The following VTI1A variants were observed in gnomAD, a reference collection of about 807,000 sequenced individuals.
VTI1A encodes vesicle transport through interaction with t-SNAREs homolog 1A.
A neutral mutation model predicts 34.9 loss-of-function variants in VTI1A; 22 were observed. The ratio of observed to expected loss-of-function variants is 0.63; its 90% CI spans 0.45 to 0.90. The LOEUF (loss-of-function observed/expected upper bound fraction) is 0.90, where lower values mean the gene tolerates loss of function less well. Ranked by LOEUF, VTI1A falls within the 40% of genes least tolerant of loss-of-function variation. VTI1A has a pLI of 0.00. For missense variants in VTI1A, 268 were observed against 275.6 expected (o/e 0.97, Z 0.20); for synonymous variants, 87 against 97.3 (o/e 0.89, Z 0.62).
At chr10:112,612,486 A>G (rs1845356815) in intron 5 of VTI1A, among the ~76,000 whole-genome samples, 1 of 152,228 alleles carries the variant, frequency 6.6e-6, no homozygotes, top group African/African-American at 2.4e-5. Flanking sequence ...TAGCACGATC[A>G]TAACTCACTG....
intron 7 of VTI1A, among the ~76,000 whole-genome samples, chr10:112,683,410 C>T (rs142160522): frequency 7.9e-5 from 12 of 152,274 alleles, no homozygotes; most frequent in Middle Eastern, 3.4e-3. Context: ...TTGCTGACCT[C>T]AGAAAGATTT....
chr10:112,751,475 T>TAAAA (rs11411829), intron 7 of VTI1A, among the ~76,000 whole-genome samples: 24 of 100,960 alleles, frequency 2.4e-4, no homozygotes, highest in African/African-American at 7.6e-4. Context: ...ATTAACTGTT[T>TAAAA]AAAAAAAAAA....
chr10:112,608,842 A>G (rs1845185572), intron 5 of VTI1A, among the ~76,000 whole-genome samples: 2 of 152,128 alleles, frequency 1.3e-5, no homozygotes, highest in Admixed American at 1.3e-4. Flanking sequence ...TACTCTTTCC[A>G]TATTGCTTGA....
rs1850589221 is a variant in VTI1A at position 112,535,582 on chromosome 10, C to G, written c.343-2664C>G. On this transcript the variant is annotated intron_variant, in intron 4 of 7. Transcript: ENST00000393077. ...GGGTTGTAGTGCATAGGGAGCTGAT[C>G]TGGTGTTGGCTCTGCCGAGCTCCGT... is the stretch of plus-strand genomic sequence containing the variant. 2.0e-5 allele frequency among the ~76,000 whole-genome samples: 3 copies of G among 152,150 alleles called. No homozygotes were observed. In the South Asian group the frequency reaches 6.2e-4, roughly 31 times the overall value.
At chr10:112,785,969 AT>A (rs1171368222) in intron 7 of VTI1A, among the ~76,000 whole-genome samples, 1 of 152,154 alleles carries the variant, frequency 6.6e-6, no homozygotes, top group Non-Finnish European at 1.5e-5. Context: ...TTTCATTTAC[AT>A]ATACATTTAA....
At chr10:112,654,698 G>T (rs1398027244) in intron 5 of VTI1A, among the ~76,000 whole-genome samples, 1 of 151,892 alleles carries the variant, frequency 6.6e-6, no homozygotes, top group African/African-American at 2.4e-5. Context: ...TTTCACCGTG[G>T]GCTCGATCTC....
intron 7 of VTI1A, among the ~76,000 whole-genome samples, chr10:112,769,964 T>C (rs750611417): frequency 1.4e-4 from 21 of 152,102 alleles, no homozygotes; most frequent in Non-Finnish European, 2.9e-4. Context: ...CATAGGGGCA[T>C]GTAGGCCCAC....
chr10:112,740,994 A>G (rs955670737), intron 7 of VTI1A, among the ~76,000 whole-genome samples: 3 of 152,250 alleles, frequency 2.0e-5, no homozygotes, highest in African/African-American at 7.2e-5. Context: ...GGAATGAAGT[A>G]CTAATCCAAC....
chr10:112,836,302 G>C, the VTI1A span, among the ~76,000 whole-genome samples: 10 of 152,152 alleles, frequency 6.6e-5, no homozygotes, highest in Non-Finnish European at 1.0e-4. Flanking sequence ...CTAGAATCAT[G>C]AGCTCTTTAG....
intron 5 of VTI1A, among the ~76,000 whole-genome samples, chr10:112,565,882 G>C (rs1408835981): frequency 6.6e-6 from 1 of 151,964 alleles, no homozygotes; most frequent in African/African-American, 2.4e-5. Context: ...ATTTTTAAAA[G>C]TTTTTATTTA....
At chr10:112,722,428 G>A (rs183552591) in intron 7 of VTI1A, among the ~76,000 whole-genome samples, 9 of 152,140 alleles carry the variant, frequency 5.9e-5, no homozygotes, top group African/African-American at 1.9e-4. Flanking sequence ...GTTAATGGGT[G>A]CAGCACACCA....
intron 5 of VTI1A, among the ~76,000 whole-genome samples, chr10:112,546,634 AAAC>A (rs1851140690): frequency 2.0e-5 from 3 of 152,138 alleles, no homozygotes; most frequent in Non-Finnish European, 4.4e-5. Context: ...ATTTTTGTCA[AAAC>A]ACATTTTATC....
intron 5 of VTI1A, among the ~76,000 whole-genome samples, chr10:112,559,691 A>T (rs1045420834): frequency 6.6e-6 from 1 of 152,060 alleles, no homozygotes; most frequent in Non-Finnish European, 1.5e-5. Context: ...CCACTAACCA[A>T]TCAGGCAGCC....
chr10:112,825,481 C>T, the VTI1A span: 1 of 152,252 alleles, frequency 6.6e-6, no homozygotes, highest in Non-Finnish European at 1.5e-5. Context: ...CCTCGTGTGT[C>T]CTGGTACAAA....
chr10:112,488,960 G>C (rs537637232), intron 3 of VTI1A, among the ~76,000 whole-genome samples: 1 of 151,982 alleles, frequency 6.6e-6, no homozygotes, highest in Non-Finnish European at 1.5e-5. Flanking sequence ...TCGTGTTTTG[G>C]AACTTTGGCC....
the VTI1A span, chr10:112,827,226 C>T: frequency 2.0e-5 from 3 of 152,220 alleles, no homozygotes; most frequent in African/African-American, 2.4e-5. Flanking sequence ...ATTAATCGCT[C>T]TTCTCCGTGT....
At position 112,817,136 on chromosome 10, in the gene VTI1A, GAAAC is replaced by G. The variant is rs889031978; in HGVS notation, c.*1764_*1767del. Reference sequence around the variant, plus strand: ...CATCTAAGAACCATTAAAAAGCAAGGAAACAAACAAACAACCCTTTTCTCATTCC... The same window carrying G: ...CATCTAAGAACCATTAAAAAGCAAGGAAACAAACAACCCTTTTCTCATTCC... On this transcript the variant is annotated 3_prime_UTR_variant, in exon 8 of 8. Coordinates refer to ENST00000393077, the MANE Select transcript of VTI1A (RefSeq NM_145206.4). 7 of 232,608 alleles carry G rather than the reference GAAAC, an allele frequency of 3.0e-5. No homozygotes were observed. The East Asian group carries it at 3.0e-4, about 10-fold the overall frequency. 14.4% of individuals were successfully genotyped at this position (232,608 alleles called of 1,614,324 possible).
chr10:112,465,558 A>C (rs770991361), intron 3 of VTI1A, among the ~76,000 whole-genome samples: 2 of 152,266 alleles, frequency 1.3e-5, no homozygotes, highest in African/African-American at 2.4e-5. Flanking sequence ...GTCACATGCA[A>C]CAACTTGAAT....
intron 3 of VTI1A, among the ~76,000 whole-genome samples, chr10:112,505,595 G>A (rs1238812936): frequency 6.6e-6 from 1 of 151,940 alleles, no homozygotes; most frequent in Non-Finnish European, 1.5e-5. Flanking sequence ...TGACATATAT[G>A]TGGCTGTGCG....
Sources: allele counts gnomAD v4.1 joint callset (sites outside exome capture counted in the v4.1 genomes callset), GRCh38; gene constraint gnomAD v4.1.1; transcripts MANE v1.5; gene names NCBI Gene and HGNC (gene_info 2026-07-23, HGNC 2026-07-21).